The following FRAS1 variants were observed in gnomAD, a reference collection of about 807,000 sequenced individuals.
The protein encoded by FRAS1 is extracellular matrix organizing protein FRAS1.
FRAS1 carries 290 observed loss-of-function variants against 435.2 expected under a neutral mutation model. That is an observed-to-expected ratio of 0.67 (90% CI 0.61 to 0.73). The LOEUF (loss-of-function observed/expected upper bound fraction) is 0.73. Ranked by LOEUF, FRAS1 falls within the 30% of genes least tolerant of loss-of-function variation. The pLI is 0.00. For synonymous variants in FRAS1, 1,800 were observed against 1,851.0 expected (o/e 0.97, Z 0.71); for missense variants, 4,860 against 5,001.5 (o/e 0.97, Z 0.85).
intron 2 of FRAS1, chr4:78,180,951 C>T (rs1015576828): frequency 6.1e-5 from 99 of 1,610,228 alleles, no homozygotes; most frequent in East Asian, 8.9e-5. Context: ...ACGGTTTGGG[C>T]GCCCACCACG....
chr4:78,326,605 CTAGGTAGTAGATTTATGTGAT>C (rs1404471277), intron 18 of FRAS1, among the ~76,000 whole-genome samples: 1 of 152,042 alleles, frequency 6.6e-6, no homozygotes, highest in Non-Finnish European at 1.5e-5. Context: ...AAGATATCTC[CTAGGTAGTAGATTTATGTGAT>C]CAGAGTTCAG....
At chr4:78,061,074 T>C (rs1739740937) in intron 1 of FRAS1, among the ~76,000 whole-genome samples, 1 of 152,210 alleles carries the variant, frequency 6.6e-6, no homozygotes, top group African/African-American at 2.4e-5. Context: ...CTTGAACTGC[T>C]GACCTCAAGT....
intron 2 of FRAS1, among the ~76,000 whole-genome samples, chr4:78,185,381 A>G (rs1722227307): frequency 6.6e-6 from 1 of 152,186 alleles, no homozygotes; most frequent in Non-Finnish European, 1.5e-5. Context: ...GATGGAATGT[A>G]TTTGTGCCAG....
chr4:78,226,616 C>A (rs997504152), intron 2 of FRAS1, among the ~76,000 whole-genome samples: 2 of 151,230 alleles, frequency 1.3e-5, no homozygotes, highest in Admixed American at 6.6e-5. Context: ...AAAGAGTTTT[C>A]TCTTTGCTGT....
intron 2 of FRAS1, among the ~76,000 whole-genome samples, chr4:78,177,887 C>G (rs1013176549): frequency 6.6e-6 from 1 of 152,172 alleles, no homozygotes; most frequent in Non-Finnish European, 1.5e-5. Context: ...AGTAATGATA[C>G]CTAACCTCTT....
chr4:78,516,963 A>G (rs1370599594), intron 66 of FRAS1, among the ~76,000 whole-genome samples: 1 of 152,250 alleles, frequency 6.6e-6, no homozygotes, highest in Non-Finnish European at 1.5e-5. Context: ...AGCCAGAGTC[A>G]GAGAAGGGCG....
At position 78,278,690 on chromosome 4, in the gene FRAS1, T is replaced by A; in HGVS notation, c.1017T>A (p.Cys339Ter). ...EELIHLDGKC[C>*]PECISRNGYC... Reference sequence around the variant, plus strand: ...TAATTCACTTAGATGGAAAGTGTTGTCCTGAATGCATTTCAAGGAATGGTT... The same window carrying A: ...TAATTCACTTAGATGGAAAGTGTTGACCTGAATGCATTTCAAGGAATGGTT... The change falls in exon 10 of 74, where the codon TGT becomes TGA. Residue 339 changes from cysteine to a stop codon, truncating the protein, a stop_gained. Coordinates refer to ENST00000512123, the MANE Select transcript of FRAS1 (RefSeq NM_025074.7). LOFTEE classifies it high-confidence loss of function. 1 of 1,608,226 alleles carries A rather than the reference T, an allele frequency of 6.2e-7. No homozygotes were observed. Among genetic ancestry groups the A allele is most frequent in the Non-Finnish European group, 8.5e-7 (1 of 1,174,978 alleles).
Position 78,475,459 on chromosome 4 carries a change from A to G in FRAS1, c.7704A>G (p.Ala2568=), listed in dbSNP as rs1560748534. The G allele has an allele frequency of 6.2e-7, 1 of 1,613,942 alleles. No individual in the cohort carries two copies. Residue 2568 remains alanine, a synonymous_variant, in exon 54 of 74, where the codon GCA becomes GCG. Transcript: ENST00000512123. ...KYTSYNVSEK[A]GSVSVTVQRT... ...CCAGCTACAATGTCAGTGAGAAGGC[A>G]GGGTCTGTCAGTGTCACGGTGCAGA...
intron 70 of FRAS1, 136 bp from the exon 71 acceptor site, chr4:78,534,313 A>C (rs1721816281): frequency 4.7e-6 from 3 of 634,122 alleles, no homozygotes; most frequent in Non-Finnish European, 8.2e-6. Flanking sequence ...ACATCCCTTT[A>C]TTCAGTGAAT....
intron 63 of FRAS1, among the ~76,000 whole-genome samples, chr4:78,510,674 T>C (rs1462518616): frequency 1.3e-5 from 2 of 152,200 alleles, no homozygotes; most frequent in Non-Finnish European, 2.9e-5. Flanking sequence ...CTCTTAGGGC[T>C]TCTGTATGTT....
intron 2 of FRAS1, among the ~76,000 whole-genome samples, chr4:78,133,970 T>G (rs1426358700): frequency 6.6e-6 from 1 of 150,702 alleles, no homozygotes; most frequent in Non-Finnish European, 1.5e-5. Context: ...TTTTTTGTTT[T>G]TTTTTTTGAG....
intron 29 of FRAS1, among the ~76,000 whole-genome samples, 155 bp from the exon 30 acceptor site, chr4:78,400,579 A>G (rs1386685603): frequency 1.3e-5 from 2 of 151,632 alleles, no homozygotes; most frequent in Non-Finnish European, 2.9e-5. Context: ...ATGTCTACAC[A>G]TAATACAAAG....
intron 20 of FRAS1, among the ~76,000 whole-genome samples, chr4:78,358,944 CTA>C (rs765807098): frequency 7.9e-5 from 12 of 152,094 alleles, no homozygotes; most frequent in Non-Finnish European, 1.2e-4. Context: ...TTAATCTAAT[CTA>C]TGTAAAAATC....
intron 2 of FRAS1, among the ~76,000 whole-genome samples, chr4:78,099,585 A>G (rs779778613): frequency 5.9e-5 from 9 of 152,202 alleles, no homozygotes; most frequent in Non-Finnish European, 5.9e-5. Context: ...CAGGTGCTTC[A>G]CACTTATCCA....
chr4:78,073,151 C>T (rs1407546967), intron 2 of FRAS1, among the ~76,000 whole-genome samples: 2 of 152,006 alleles, frequency 1.3e-5, no homozygotes, highest in Non-Finnish European at 2.9e-5. Flanking sequence ...ATTTTTTTGT[C>T]CTTGCTGGGT....
Position 78,278,735 on chromosome 4 carries a change from T to C in FRAS1, c.1062T>C (p.Thr354=). 1.3e-6 allele frequency: 2 copies of C among 1,584,896 alleles called. No homozygotes were observed. The highest frequency in any genetic ancestry group is 1.7e-6 in the Non-Finnish European group (2 of 1,154,808). ...SRNGYCVYEE[T]GEFMSSNASE... ...ATGGTTATTGTGTTTATGAAGAAAC[T>C]GGAGAATTTGTGAGTATCAGGCTTA... Residue 354 remains threonine, a synonymous_variant, in exon 10 of 74, where the codon ACT becomes ACC. Transcript: ENST00000512123.
intron 62 of FRAS1, 129 bp downstream of exon 62, chr4:78,507,737 C>T (rs1720888513): frequency 3.6e-6 from 3 of 840,102 alleles, no homozygotes; most frequent in Non-Finnish European, 5.2e-6. Context: ...TCTTGCCTTC[C>T]ATCATCCCCT....
intron 2 of FRAS1, among the ~76,000 whole-genome samples, chr4:78,120,496 A>T (rs72654652): frequency 4.0e-5 from 6 of 151,874 alleles, no homozygotes; most frequent in African/African-American, 1.4e-4. Context: ...ACAGTCCAGG[A>T]ATAAGAAGTT....
chr4:78,154,062 T>G (rs908728688), intron 2 of FRAS1, among the ~76,000 whole-genome samples: 1 of 152,208 alleles, frequency 6.6e-6, no homozygotes, highest in Admixed American at 6.5e-5. Flanking sequence ...TGCAGATTAT[T>G]CGGTATGATT....
Sources: gnomAD v4.1 joint callset for allele counts (sites outside exome capture counted in the v4.1 genomes callset) on GRCh38, gnomAD v4.1.1 for gene constraint, MANE v1.5 for transcripts, NCBI Gene and HGNC (gene_info 2026-07-23, HGNC 2026-07-21) for gene names.